Variants in PHKA1 observed in about 807,000 individuals in gnomAD.
The protein encoded by PHKA1 is phosphorylase b kinase regulatory subunit alpha, skeletal muscle isoform.
In PHKA1, 60 loss-of-function variants were observed where a neutral mutation model predicts 110.2. The ratio of observed to expected loss-of-function variants is 0.54; its 90% CI spans 0.44 to 0.68. The LOEUF is 0.68. Among genes scored for constraint, PHKA1 ranks in the 30% least tolerant of loss-of-function variants. The probability of loss-of-function intolerance (pLI) is 0.00; values close to 1 mark genes in which losing one functional copy is unlikely to be tolerated. For missense variants in PHKA1, 801 were observed against 942.5 expected (o/e 0.85, Z 1.97); for synonymous variants, 316 against 333.6 (o/e 0.95, Z 0.58).
intron 28 of PHKA1, chrX:72,599,911 C>A (rs1556240168): frequency 2.2e-5 from 11 of 506,894 alleles, no homozygotes; most frequent in Non-Finnish European, 3.2e-5. Context: ...AGATATGAGG[C>A]CAGGAAACAA....
At chrX:72,675,531 T>C (rs1203421580) in intron 6 of PHKA1, among the ~76,000 whole-genome samples, 1 of 111,720 alleles carries the variant, frequency 9.0e-6, no homozygotes, top group Non-Finnish European at 1.9e-5. Context: ...ATATTTCTCA[T>C]AATGGATATG....
intron 8 of PHKA1, among the ~76,000 whole-genome samples, chrX:72,662,556 C>T (rs1310810703): frequency 8.9e-5 from 10 of 112,265 alleles, no homozygotes; most frequent in Non-Finnish European, 7.5e-5. Flanking sequence ...CCCCCAGGCA[C>T]AGAAATAGCC....
intron 8 of PHKA1, 58 bp from the exon 9 acceptor site, chrX:72,657,699 A>C: frequency 1.1e-6 from 1 of 928,895 alleles, no homozygotes; most frequent in Non-Finnish European, 1.6e-6. Context: ...CATGTAATTA[A>C]TCAGAAATAC....
intron 29 of PHKA1, among the ~76,000 whole-genome samples, chrX:72,585,925 T>C (rs782210566): frequency 1.8e-5 from 2 of 112,205 alleles, no homozygotes; most frequent in East Asian, 5.7e-4. Flanking sequence ...CTGGGAAGCT[T>C]GAACTGGGTA....
intron 15 of PHKA1, 114 bp from the exon 16 acceptor site, chrX:72,635,413 C>T (rs1556291097): frequency 1.5e-6 from 1 of 672,170 alleles, no homozygotes; most frequent in East Asian, 3.5e-5. Context: ...GGCAATGATA[C>T]CCCCACATTT....
At chrX:72,707,724 T>C (rs1280506086) in intron 2 of PHKA1, 1 of 109,628 alleles carries the variant, frequency 9.1e-6, no homozygotes, top group Non-Finnish European at 1.9e-5. Context: ...TTAGATAGAG[T>C]ATATGCAAAT....
intron 17 of PHKA1, among the ~76,000 whole-genome samples, chrX:72,625,913 C>T (rs1334242198): frequency 3.6e-5 from 4 of 111,081 alleles, no homozygotes; most frequent in African/African-American, 9.8e-5. Context: ...TGATCTGCCC[C>T]CCTTGGCCTC....
intron 22 of PHKA1, 43 bp downstream of exon 22, chrX:72,610,985 C>T: frequency 9.2e-7 from 1 of 1,092,295 alleles, no homozygotes; most frequent in East Asian, 3.1e-5. Flanking sequence ...TTTTAAAAAG[C>T]ACGCTTATTT....
At chrX:72,590,276 C>T (rs2052499818) in intron 29 of PHKA1, among the ~76,000 whole-genome samples, 1 of 111,486 alleles carries the variant, frequency 9.0e-6, no homozygotes, top group Admixed American at 9.5e-5. Flanking sequence ...CACTACACAC[C>T]TACAACCATC....
chrX:72,668,274 A>G (rs1411494305), intron 6 of PHKA1, among the ~76,000 whole-genome samples: 3 of 112,084 alleles, frequency 2.7e-5, no homozygotes, highest in Non-Finnish European at 5.6e-5. Context: ...TCAAGCTAAT[A>G]AAATAACTCT....
intron 4 of PHKA1, among the ~76,000 whole-genome samples, chrX:72,685,742 A>C (rs1733127035): frequency 8.9e-6 from 1 of 112,363 alleles, no homozygotes; most frequent in Admixed American, 9.4e-5. Flanking sequence ...GAATTTAAAA[A>C]TCAGGAAGCT....
intron 2 of PHKA1, among the ~76,000 whole-genome samples, chrX:72,708,710 A>G (rs2054325650): frequency 9.0e-6 from 1 of 111,711 alleles, no homozygotes; most frequent in Non-Finnish European, 1.9e-5. Flanking sequence ...AATCATTCTA[A>G]GGTTAAGTAG....
intron 5 of PHKA1, among the ~76,000 whole-genome samples, chrX:72,682,337 T>G (rs1206465918): frequency 1.6e-4 from 11 of 67,238 alleles, no homozygotes; most frequent in African/African-American, 2.9e-4. Context: ...GGGAGGGAGG[T>G]GGGGGGGTCA....
chrX:72,628,716 A>C (rs1395535206), intron 16 of PHKA1, among the ~76,000 whole-genome samples: 3 of 107,614 alleles, frequency 2.8e-5, no homozygotes, highest in African/African-American at 1.0e-4. Context: ...CAGCCTCCCA[A>C]GTAACTGGGA....
At chrX:72,646,797 T>G (rs1399491033) in intron 13 of PHKA1, among the ~76,000 whole-genome samples, 1 of 110,624 alleles carries the variant, frequency 9.0e-6, no homozygotes, top group Non-Finnish European at 1.9e-5. Flanking sequence ...TGACAGAGAA[T>G]AAACTGATAG....
At chrX:72,650,499 T>A (rs2053416678) in intron 12 of PHKA1, 31 bp from the exon 13 acceptor site, 1 of 1,106,265 alleles carries the variant, frequency 9.0e-7, no homozygotes, top group East Asian at 3.0e-5. Flanking sequence ...GACAGATTAT[T>A]AAGTCTCAAA....
At chrX:72,670,371 T>G (rs2053676125) in intron 6 of PHKA1, among the ~76,000 whole-genome samples, 2 of 111,918 alleles carry the variant, frequency 1.8e-5, no homozygotes, top group South Asian at 7.5e-4. Context: ...CAGAAGCTCT[T>G]TAGTTTAATT....
At chrX:72,627,682 C>G (rs782028552) in intron 16 of PHKA1, among the ~76,000 whole-genome samples, 1 of 111,396 alleles carries the variant, frequency 9.0e-6, no homozygotes, top group African/African-American at 3.3e-5. Context: ...AGGTTAAATT[C>G]TTACAAGTAG....
intron 8 of PHKA1, among the ~76,000 whole-genome samples, chrX:72,659,723 A>C (rs2053538668): frequency 8.9e-6 from 1 of 112,284 alleles, no homozygotes; most frequent in African/African-American, 3.2e-5. Context: ...CAGAATTGCC[A>C]ACCAGTACCC....
Sources: allele counts gnomAD v4.1 joint callset (sites outside exome capture counted in the v4.1 genomes callset), GRCh38; gene constraint gnomAD v4.1.1; transcripts MANE v1.5; gene names NCBI Gene and HGNC (gene_info 2026-07-23, HGNC 2026-07-21).